KDM4C: variants seen among roughly 807,000 people sequenced by gnomAD.
KDM4C encodes lysine-specific demethylase 4C.
Under a neutral mutation model 129.3 loss-of-function variants are expected in KDM4C, and 81 were observed. That is an observed-to-expected ratio of 0.63 (90% CI 0.52 to 0.75). The LOEUF (loss-of-function observed/expected upper bound fraction) is 0.75. KDM4C is among the 30% of genes least tolerant of loss of function. The pLI, the probability that KDM4C is intolerant of heterozygous loss-of-function variation, is 0.00. For synonymous variants in KDM4C, 573 were observed against 456.1 expected (o/e 1.26, Z -3.26); for missense variants, 1,457 against 1,304.0 (o/e 1.12, Z -1.81).
chr9:7,095,918 C>T (rs1836378805), intron 17 of KDM4C, among the ~76,000 whole-genome samples: 1 of 152,054 alleles, frequency 6.6e-6, no homozygotes, highest in Admixed American at 6.5e-5. Context: ...ATGGAATTTC[C>T]TTTAGGAAAT....
At chr9:6,939,878 TA>T (rs1213651057) in intron 8 of KDM4C, among the ~76,000 whole-genome samples, 1 of 152,194 alleles carries the variant, frequency 6.6e-6, no homozygotes, top group Non-Finnish European at 1.5e-5. Context: ...AAAGTCTAAG[TA>T]AAAAACGTTG....
intron 1 of KDM4C, among the ~76,000 whole-genome samples, chr9:6,773,627 T>A (rs1479443484): frequency 6.6e-6 from 1 of 151,998 alleles, no homozygotes; most frequent in Non-Finnish European, 1.5e-5. Flanking sequence ...AAAAATTAGC[T>A]GGGTGTGTTA....
At chr9:7,079,469 C>T (rs1834287150) in intron 17 of KDM4C, among the ~76,000 whole-genome samples, 1 of 152,174 alleles carries the variant, frequency 6.6e-6, no homozygotes, top group Admixed American at 6.5e-5. Context: ...ACTACAGGTG[C>T]ATGCCACCAC....
intron 4 of KDM4C, among the ~76,000 whole-genome samples, chr9:6,825,310 T>A (rs1409470182): frequency 6.6e-6 from 1 of 152,216 alleles, no homozygotes; most frequent in Non-Finnish European, 1.5e-5. Context: ...AAAATAGTTT[T>A]GATGTCACAG....
chr9:6,754,122 C>T (rs567551863), upstream of KDM4C, among the ~76,000 whole-genome samples: 5 of 151,934 alleles, frequency 3.3e-5, no homozygotes, highest in East Asian at 1.9e-4. Context: ...GTGATCCGCC[C>T]GCCTCGGCCT....
chr9:7,063,229 A>G (rs1831960172), intron 17 of KDM4C, among the ~76,000 whole-genome samples: 1 of 152,232 alleles, frequency 6.6e-6, no homozygotes, highest in Non-Finnish European at 1.5e-5. Flanking sequence ...TCAGTTCTGG[A>G]TTTAGTAAAT....
intron 1 of KDM4C, among the ~76,000 whole-genome samples, chr9:6,769,429 A>G (rs7861740): frequency 0.11 from 17,256 of 152,030 alleles, 1,219 homozygotes; most frequent in African/African-American, 0.19. Context: ...GGGATACAAA[A>G]CTTGGAGTCA....
At chr9:6,721,006 T>G in intron 1 of KDM4C, 1 of 1,550,512 alleles carries the variant, frequency 6.4e-7, no homozygotes, top group Non-Finnish European at 8.7e-7. Flanking sequence ...AGGTGAGTGC[T>G]GCTCTGAACA....
intron 1 of KDM4C, among the ~76,000 whole-genome samples, chr9:6,761,768 T>C (rs1161782692): frequency 6.6e-6 from 1 of 152,202 alleles, no homozygotes; most frequent in Admixed American, 6.5e-5. Flanking sequence ...TGTTCCCTTT[T>C]GTTAAATATT....
intron 17 of KDM4C, among the ~76,000 whole-genome samples, chr9:7,098,264 T>C (rs1836681110): frequency 6.6e-6 from 1 of 152,236 alleles, no homozygotes; most frequent in South Asian, 2.1e-4. Flanking sequence ...TAGCTCTGTC[T>C]CTTGACCTAG....
At chr9:6,793,197 T>G (rs1481405803) in intron 2 of KDM4C, 65 bp downstream of exon 2, 2 of 1,550,000 alleles carry the variant, frequency 1.3e-6, no homozygotes, top group Non-Finnish European at 1.8e-6. Flanking sequence ...GTTCTTAGTT[T>G]TCACGATTTG....
intron 18 of KDM4C, among the ~76,000 whole-genome samples, chr9:7,120,824 C>A (rs1242336245): frequency 2.6e-5 from 4 of 152,130 alleles, no homozygotes; most frequent in Non-Finnish European, 4.4e-5. Context: ...GTGTTTTCTT[C>A]CTAACTCACT....
In KDM4C at chr9:6,915,454, C is replaced by T. The variant is rs1024312046; in HGVS notation, c.921+22222C>T. Among the ~76,000 whole-genome samples the T allele has an allele frequency of 7.2e-5, 11 of 152,234 alleles. No homozygotes were observed. In the East Asian group the frequency reaches 1.5e-3, roughly 21 times the overall value. On this transcript the variant is annotated intron_variant, in intron 8 of 21. Coordinates refer to ENST00000381309, the MANE Select transcript of KDM4C (RefSeq NM_015061.6). ...TGGAGATGCCTGCCACTTTGAGGTT[C>T]GGGGTTACATTCCATTTTAATTCAA...
At chr9:6,927,130 T>C (rs1163046365) in intron 8 of KDM4C, among the ~76,000 whole-genome samples, 1 of 151,426 alleles carries the variant, frequency 6.6e-6, no homozygotes, top group African/African-American at 2.4e-5. Context: ...TATCTATCTA[T>C]CTATCTATCT....
chr9:6,739,978 C>T (rs1817633488), intron 1 of KDM4C, among the ~76,000 whole-genome samples: 1 of 152,052 alleles, frequency 6.6e-6, no homozygotes, highest in Non-Finnish European at 1.5e-5. Flanking sequence ...AAACTTCTGC[C>T]TCGTGGGTTC....
intron 5 of KDM4C, among the ~76,000 whole-genome samples, chr9:6,852,850 G>A (rs533227281): frequency 1.8e-4 from 28 of 152,116 alleles, no homozygotes; most frequent in African/African-American, 6.7e-4. Context: ...TTCACTTAGG[G>A]TTTGCTTAAA....
chr9:6,825,826 CTT>C (rs1564100439), intron 4 of KDM4C, among the ~76,000 whole-genome samples: 4 of 152,026 alleles, frequency 2.6e-5, no homozygotes, highest in Admixed American at 2.6e-4. Context: ...CTCTGTCTCT[CTT>C]AAGACAAGGT....
intron 8 of KDM4C, among the ~76,000 whole-genome samples, chr9:6,968,749 A>G (rs1248132279): frequency 6.6e-6 from 1 of 152,050 alleles, no homozygotes; most frequent in Non-Finnish European, 1.5e-5. Flanking sequence ...GTACTTCATA[A>G]TTTTATATCT....
intron 1 of KDM4C, among the ~76,000 whole-genome samples, chr9:6,775,895 G>T (rs552178147): frequency 1.6e-4 from 24 of 152,202 alleles, no homozygotes; most frequent in African/African-American, 5.1e-4. Context: ...ACTTTTTTAT[G>T]TTTAACAGCA....
Sources: gnomAD v4.1 joint callset for allele counts (sites outside exome capture counted in the v4.1 genomes callset) on GRCh38, gnomAD v4.1.1 for gene constraint, MANE v1.5 for transcripts, NCBI Gene and HGNC (gene_info 2026-07-23, HGNC 2026-07-21) for gene names.